The following C1GALT1C1 variants were observed in gnomAD, a reference collection of about 807,000 sequenced individuals.
C1GALT1C1 encodes C1GALT1-specific chaperone 1.
For missense variants in C1GALT1C1, 176 were observed against 234.7 expected (o/e 0.75, Z 1.63); for synonymous variants, 77 against 77.9 (o/e 0.99, Z 0.06).
chrX:120,627,799 CATA>C (rs1483102444), intron 1 of C1GALT1C1, among the ~76,000 whole-genome samples: 1 of 111,849 alleles, frequency 8.9e-6, no homozygotes, highest in African/African-American at 3.2e-5. Context: ...AATAGAAGCC[CATA>C]ATAAAAAGTT....
At chrX:120,627,431 T>C (rs1927218068) in intron 1 of C1GALT1C1, 2 of 222,011 alleles carry the variant, frequency 9.0e-6, no homozygotes, top group Non-Finnish European at 1.6e-5. Context: ...ACTTCATCTA[T>C]GGGGATTTAA....
chrX:120,628,185 A>T (rs1463327319), intron 1 of C1GALT1C1, among the ~76,000 whole-genome samples: 1 of 112,068 alleles, frequency 8.9e-6, no homozygotes, highest in African/African-American at 3.2e-5. Flanking sequence ...GGCTGTAGTG[A>T]GCTGTGATCT....
chrX:120,626,096 C>T lies in C1GALT1C1; in HGVS notation c.*114G>A, dbSNP rs1927160959. ...TTAATGTGTGGTTATACCAGTGCCA[C>T]CAAATTAGAAAAGAAAAAGAAACAT... is the stretch of plus-strand genomic sequence containing the variant. On this transcript the variant is annotated 3_prime_UTR_variant, in exon 2 of 2. Transcript: ENST00000304661. 2 of 739,862 alleles carry T rather than the reference C, an allele frequency of 2.7e-6. No homozygotes were observed. Among genetic ancestry groups the T allele is most frequent in the East Asian group, 3.2e-5 (1 of 31,101 alleles). 61.0% of individuals were successfully genotyped at this position (739,862 alleles called of 1,213,427 possible).
At chrX:120,628,752 G>A (rs981279906) in intron 1 of C1GALT1C1, among the ~76,000 whole-genome samples, 1 of 111,718 alleles carries the variant, frequency 9.0e-6, no homozygotes, top group Non-Finnish European at 1.9e-5. Context: ...GTGGTTTTCT[G>A]CTAGAGGAAA....
intron 1 of C1GALT1C1, among the ~76,000 whole-genome samples, chrX:120,629,406 G>A (rs1409822256): frequency 1.8e-5 from 2 of 111,456 alleles, no homozygotes; most frequent in South Asian, 3.7e-4. Flanking sequence ...AATTCTTCCT[G>A]ATGGTGATCC....
Position 120,626,297 on chromosome X carries a change from C to T in C1GALT1C1, c.870G>A (p.Met290Ile). Residue 290 changes from methionine (M) to isoleucine (I), a missense_variant, in exon 2 of 2, where the codon ATG becomes ATA. Coordinates refer to ENST00000304661, the MANE Select transcript of C1GALT1C1 (RefSeq NM_001011551.3). Reference protein sequence around the residue: ...GLTPNQMHVMMYGVYRLRAFG... With the variant: ...GLTPNQMHVMIYGVYRLRAFG... Reference sequence around the variant, plus strand: ...ATGCCCTAAGGCGGTATACCCCATACATCATCACATGCATCTGATTTGGAG... The same window carrying T: ...ATGCCCTAAGGCGGTATACCCCATATATCATCACATGCATCTGATTTGGAG... 8.2e-7 allele frequency: 1 copy of T among 1,212,424 alleles called. No homozygotes were observed. Among genetic ancestry groups the T allele is most frequent in the Non-Finnish European group, 1.1e-6 (1 of 895,607 alleles).
chrX:120,627,318 G>A (rs1166753587), intron 1 of C1GALT1C1, 147 bp from the exon 2 acceptor site: 2 of 360,956 alleles, frequency 5.5e-6, no homozygotes, highest in Non-Finnish European at 9.0e-6. Flanking sequence ...GTTGCATATA[G>A]TACAAAAGGC....
rs748483730 is a variant in C1GALT1C1, at chrX:120,627,054, T to C, written c.113A>G (p.His38Arg). The C allele has an allele frequency of 9.1e-6, 11 of 1,208,471 alleles. No individual in the cohort carries two copies. Among genetic ancestry groups the C allele is most frequent in the Non-Finnish European group, 1.1e-5 (10 of 894,212 alleles). The change falls in exon 2 of 2, where the codon CAC (histidine) becomes CGC (arginine). Residue 38 changes from histidine (H) to arginine (R), a missense_variant. His to Arg is a conservative substitution (Grantham distance 29). Coordinates refer to ENST00000304661, the MANE Select transcript of C1GALT1C1 (RefSeq NM_001011551.3). ...AGCTTGTAGGTGATGATGCTCATGG[T>C]GGTGCATTCTATTTCCATGACCAAT... ...IRIGHGNRMH[H>R]HEHHHLQAPN... is the part of the protein sequence containing the mutation.
In C1GALT1C1 at chrX:120,626,969, G is replaced by A. The variant is rs765196561; in HGVS notation, c.198C>T (p.Ser66=). 1.7e-5 allele frequency: 20 copies of A among 1,209,179 alleles called. No individual in the cohort carries two copies. The Admixed American group carries it at 4.2e-4, about 25-fold the overall frequency. The change falls in exon 2 of 2, where the codon AGC becomes AGT. Residue 66 remains serine, a synonymous_variant. Coordinates refer to ENST00000304661, the MANE Select transcript of C1GALT1C1 (RefSeq NM_001011551.3). Reference sequence around the variant, plus strand: ...CAAGGATAATACAGTATACTCGAAAGCTCTTACTGAGCTCCATGCGCTCAT... The same window carrying A: ...CAAGGATAATACAGTATACTCGAAAACTCTTACTGAGCTCCATGCGCTCAT... ...SEDERMELSK[S]FRVYCIILVK...
intron 1 of C1GALT1C1, among the ~76,000 whole-genome samples, chrX:120,627,921 G>A (rs1396632938): frequency 2.7e-5 from 3 of 111,816 alleles, no homozygotes; most frequent in Admixed American, 1.9e-4. Flanking sequence ...AGTAAAAATG[G>A]AAAAATTTAC....
chrX:120,628,261 G>A (rs969937371), intron 1 of C1GALT1C1, among the ~76,000 whole-genome samples: 2 of 111,870 alleles, frequency 1.8e-5, no homozygotes, highest in Non-Finnish European at 3.8e-5. Flanking sequence ...ATAAATAAAA[G>A]AAATTAAAAG....
At chrX:120,627,403 T>C (rs1927216886) in intron 1 of C1GALT1C1, 1 of 257,136 alleles carries the variant, frequency 3.9e-6, no homozygotes, top group Non-Finnish European at 6.9e-6. Flanking sequence ...AACTCCTCTA[T>C]GGAGAAGTTT....
rs1420399740 is a variant in C1GALT1C1 at position 120,626,593 on chromosome X, C to G, written c.574G>C (p.Glu192Gln). ...GMEGGIVLSV[E>Q]SMKRLNSLLN... ...AGGCTGTTAAGTCTTTTCATTGATT[C>G]TACACTTAAGACAATTCCTCCTTCC... Residue 192 changes from glutamate to glutamine, a missense_variant, in exon 2 of 2, where the codon GAA (glutamate) becomes CAA (glutamine). By Grantham distance (29) the Glu-to-Gln change is conservative. Transcript: ENST00000304661. 8.3e-7 allele frequency: 1 copy of G among 1,211,024 alleles called. No individual in the cohort carries two copies.
chrX:120,627,214 G>T (rs779319811), intron 1 of C1GALT1C1, 43 bp from the exon 2 acceptor site: 1 of 955,480 alleles, frequency 1.0e-6, no homozygotes, highest in Non-Finnish European at 1.4e-6. Flanking sequence ...AATAGAAAAA[G>T]ATTAGTCTAT....
chrX:120,627,904 T>C (rs1927231037), intron 1 of C1GALT1C1, among the ~76,000 whole-genome samples: 1 of 112,144 alleles, frequency 8.9e-6, no homozygotes, highest in African/African-American at 3.2e-5. Flanking sequence ...TTCTTCTTCT[T>C]TGGGGAAGTA....
chrX:120,626,046 C>T lies in C1GALT1C1; in HGVS notation c.*164G>A, dbSNP rs916516650. On this transcript the variant is annotated 3_prime_UTR_variant, in exon 2 of 2. Coordinates refer to ENST00000304661, the MANE Select transcript of C1GALT1C1 (RefSeq NM_001011551.3). ...ATGTGTTTTAAAGAAAAAAACCACC[C>T]TCATTTAAAAATGTACTACTGACTT... is the stretch of plus-strand genomic sequence containing the variant. 1.8e-5 allele frequency: 7 copies of T among 394,562 alleles called. No individual in the cohort carries two copies. Among genetic ancestry groups the T allele is most frequent in the Non-Finnish European group, 3.0e-5 (7 of 234,528 alleles). The allele number at this position is 394,562 out of a possible 1,213,427, so 32.5% of individuals were successfully genotyped here.
intron 1 of C1GALT1C1, 83 bp from the exon 2 acceptor site, chrX:120,627,254 A>C: frequency 1.4e-6 from 1 of 739,656 alleles, no homozygotes; most frequent in East Asian, 3.7e-5. Context: ...TTATATACTT[A>C]CATTTTGCTT....
At chrX:120,629,018 G>C (rs1324274492) in intron 1 of C1GALT1C1, among the ~76,000 whole-genome samples, 1 of 111,293 alleles carries the variant, frequency 9.0e-6, no homozygotes, top group Non-Finnish European at 1.9e-5. Flanking sequence ...CCTGAGGTAG[G>C]GAGTTCAAGA....
At position 120,626,193 on chromosome X, in the gene C1GALT1C1, C is replaced by T. The variant is rs751436721; in HGVS notation, c.*17G>A. The T allele has an allele frequency of 1.5e-5, 17 of 1,168,401 alleles. No homozygotes were observed. In the Admixed American group the frequency reaches 1.8e-4, roughly 12 times the overall value. On this transcript the variant is annotated 3_prime_UTR_variant, in exon 2 of 2. Transcript: ENST00000304661. ...ACGTCCTATACAAAGATCATATTCACGCTTTTCTACCACTTCTCAGTCATT... is the reference window on the plus strand; with the variant it reads ...ACGTCCTATACAAAGATCATATTCATGCTTTTCTACCACTTCTCAGTCATT...
Sources: allele counts gnomAD v4.1 joint callset (sites outside exome capture counted in the v4.1 genomes callset), GRCh38; gene constraint gnomAD v4.1.1; transcripts MANE v1.5; gene names NCBI Gene and HGNC (gene_info 2026-07-23, HGNC 2026-07-21).